Variants in LAMA2 observed in about 807,000 individuals in gnomAD.
LAMA2 encodes laminin subunit alpha-2.
In LAMA2, 269 loss-of-function variants were observed where a neutral mutation model predicts 364.8. That is an observed-to-expected ratio of 0.74 (90% confidence interval 0.67 to 0.82). The LOEUF (loss-of-function observed/expected upper bound fraction) is 0.82. Among genes scored for constraint, LAMA2 ranks in the 40% least tolerant of loss-of-function variants. The pLI, the probability that LAMA2 is intolerant of heterozygous loss-of-function variation, is 0.00. For missense variants in LAMA2, 3,807 were observed against 3,873.2 expected, an observed-to-expected ratio of 0.98 and a Z score of 0.45; for synonymous variants, 1,379 against 1,370.6, an observed-to-expected ratio of 1.01 and a Z score of -0.14.
At chr6:129,493,948 T>C (rs1785017084) in intron 58 of LAMA2, among the ~76,000 whole-genome samples, 1 of 152,234 alleles carries the variant, frequency 6.6e-6, no homozygotes, top group Non-Finnish European at 1.5e-5. Context: ...AACTATACTC[T>C]GATGAGCTCC....
intron 3 of LAMA2, among the ~76,000 whole-genome samples, chr6:129,064,996 T>A (rs1167500701): frequency 2.6e-5 from 4 of 152,146 alleles, no homozygotes; most frequent in Non-Finnish European, 5.9e-5. Context: ...TGAACATAGA[T>A]GCAAAACTCC....
chr6:129,506,993 A>ATAT (rs893803245), intron 61 of LAMA2, among the ~76,000 whole-genome samples: 70 of 152,172 alleles, frequency 4.6e-4, no homozygotes, highest in African/African-American at 1.6e-3. Flanking sequence ...AGTTTTATGC[A>ATAT]TATTTGCATT....
intron 1 of LAMA2, among the ~76,000 whole-genome samples, chr6:128,910,986 C>G (rs904591168): frequency 1.3e-5 from 2 of 151,046 alleles, no homozygotes; most frequent in Non-Finnish European, 2.9e-5. Context: ...AGGAGGCAGT[C>G]TGCCCGTTCT....
At chr6:129,245,180 G>A (rs1200174633) in intron 12 of LAMA2, among the ~76,000 whole-genome samples, 1 of 152,104 alleles carries the variant, frequency 6.6e-6, no homozygotes, top group Non-Finnish European at 1.5e-5. Flanking sequence ...CCAAGCCTTT[G>A]GAGACCCTTA....
intron 13 of LAMA2, 121 bp downstream of exon 13, chr6:129,250,334 C>A (rs900957378): frequency 2.4e-5 from 17 of 698,492 alleles, no homozygotes; most frequent in Non-Finnish European, 3.1e-5. Flanking sequence ...AAAAAATATA[C>A]CTTAGGAGAT....
chr6:128,962,468 G>A (rs941047684), intron 1 of LAMA2, among the ~76,000 whole-genome samples: 1 of 151,850 alleles, frequency 6.6e-6, no homozygotes, highest in Non-Finnish European at 1.5e-5. Flanking sequence ...AGCTTAAGAG[G>A]TTCTTTAACT....
Position 129,242,693 on chromosome 6 carries a change from A to T in LAMA2, c.1783-7419A>T, listed in dbSNP as rs184842726. Reference sequence around the variant, plus strand: ...TAATGGAATGTTTCATCCAAACATAAGTTAGTAAATGGAAAACAAACAGCT... The same window carrying T: ...TAATGGAATGTTTCATCCAAACATATGTTAGTAAATGGAAAACAAACAGCT... On this transcript the variant is annotated intron_variant, in intron 12 of 64. Transcript: ENST00000421865. Among the ~76,000 whole-genome samples, 332 of 152,298 alleles carry T rather than the reference A, an allele frequency of 2.2e-3. 1 individual carries two copies. The highest frequency in any genetic ancestry group is 3.7e-3 in the Non-Finnish European group (254 of 67,982).
intron 1 of LAMA2, among the ~76,000 whole-genome samples, chr6:129,034,290 C>G (rs924568532): frequency 9.9e-5 from 15 of 152,000 alleles, no homozygotes; most frequent in Non-Finnish European, 1.9e-4. Context: ...ATTTATTAAG[C>G]ATGAAGTGAT....
chr6:129,187,541 C>A (rs77212041), intron 10 of LAMA2, among the ~76,000 whole-genome samples: 2 of 151,856 alleles, frequency 1.3e-5, no homozygotes, highest in Non-Finnish European at 3.0e-5. Context: ...TAATGACTTA[C>A]CAATTCCTAA....
chr6:129,023,425 G>C (rs1785582869), intron 1 of LAMA2, among the ~76,000 whole-genome samples: 1 of 152,038 alleles, frequency 6.6e-6, no homozygotes, highest in South Asian at 2.1e-4. Flanking sequence ...CCATTCCATA[G>C]AGTCTGATTG....
At chr6:128,888,530 G>T (rs1409396923) in intron 1 of LAMA2, among the ~76,000 whole-genome samples, 1 of 152,204 alleles carries the variant, frequency 6.6e-6, no homozygotes, top group African/African-American at 2.4e-5. Flanking sequence ...ATGGAGGGAG[G>T]TTGATGGCTA....
intron 1 of LAMA2, among the ~76,000 whole-genome samples, chr6:128,894,505 G>A (rs1194904854): frequency 1.3e-5 from 2 of 152,132 alleles, no homozygotes; most frequent in African/African-American, 4.8e-5. Context: ...TCAAACAAAT[G>A]AGTCTTAAAA....
intron 1 of LAMA2, among the ~76,000 whole-genome samples, chr6:128,925,251 G>T (rs530821041): frequency 1.3e-5 from 2 of 152,240 alleles, no homozygotes; most frequent in African/African-American, 4.8e-5. Context: ...TGGCCAAAAG[G>T]TGGGAGAAAC....
chr6:128,968,200 T>A (rs556254969), intron 1 of LAMA2, among the ~76,000 whole-genome samples: 1 of 152,334 alleles, frequency 6.6e-6, no homozygotes, highest in Non-Finnish European at 1.5e-5. Context: ...AAGCTGTAGA[T>A]GTACTCATGC....
chr6:129,068,654 T>G (rs1773096944), intron 3 of LAMA2, among the ~76,000 whole-genome samples: 1 of 152,256 alleles, frequency 6.6e-6, no homozygotes, highest in African/African-American at 2.4e-5. Flanking sequence ...ACATTCAGTC[T>G]ATAGAAAGCG....
chr6:128,920,743 G>C (rs1582680282), intron 1 of LAMA2, among the ~76,000 whole-genome samples: 1 of 151,276 alleles, frequency 6.6e-6, no homozygotes, highest in South Asian at 2.1e-4. Context: ...GAGAGTATGT[G>C]TGTGCACATG....
intron 1 of LAMA2, among the ~76,000 whole-genome samples, chr6:129,013,760 TA>T (rs1252369586): frequency 2.6e-5 from 4 of 152,130 alleles, no homozygotes; most frequent in Non-Finnish European, 5.9e-5. Context: ...AGTTCTCATA[TA>T]GAGAATTTAT....
chr6:128,940,456 G>A (rs2114539706), intron 1 of LAMA2, among the ~76,000 whole-genome samples: 1 of 152,260 alleles, frequency 6.6e-6, no homozygotes, highest in South Asian at 2.1e-4. Flanking sequence ...CCTCTTTAGT[G>A]CTTCCACATT....
intron 28 of LAMA2, among the ~76,000 whole-genome samples, chr6:129,321,027 G>A (rs1362656396): frequency 3.9e-5 from 6 of 152,112 alleles, no homozygotes; most frequent in Non-Finnish European, 8.8e-5. Flanking sequence ...TTTTTATATA[G>A]AACACGACAA....
Sources: allele counts gnomAD v4.1 joint callset (sites outside exome capture counted in the v4.1 genomes callset), GRCh38; gene constraint gnomAD v4.1.1; transcripts MANE v1.5; gene names NCBI Gene and HGNC (gene_info 2026-07-23, HGNC 2026-07-21).